The following TAF3 variants were observed in gnomAD, a reference collection of about 807,000 sequenced individuals.
TAF3 encodes the protein TATA-box binding protein associated factor 3, also known as transcription initiation factor TFIID subunit 3.
A neutral mutation model predicts 80.6 loss-of-function variants in TAF3; 7 were observed. The observed-to-expected ratio is 0.09, with a 90% CI of 0.05 to 0.16. The LOEUF (loss-of-function observed/expected upper bound fraction) is 0.16, where lower values mean the gene tolerates loss of function less well. Among genes scored for constraint, TAF3 ranks in the 10% least tolerant of loss-of-function variants. TAF3 has a pLI of 1.00. For missense variants in TAF3, 921 were observed against 1,140.2 expected (o/e 0.81, Z 2.77); for synonymous variants, 444 against 446.1 (o/e 1.00, Z 0.06).
intron 2 of TAF3, among the ~76,000 whole-genome samples, chr10:7,834,384 A>G (rs1836830517): frequency 6.6e-6 from 1 of 152,002 alleles, no homozygotes; most frequent in South Asian, 2.1e-4. Context: ...TCTAAGTGGT[A>G]TGAGATAAGG....
chr10:7,874,402 C>G (rs2131148626), intron 2 of TAF3, among the ~76,000 whole-genome samples: 1 of 152,224 alleles, frequency 6.6e-6, no homozygotes, highest in Admixed American at 6.5e-5. Flanking sequence ...TTATATATAT[C>G]TTACCCCTGG....
chr10:7,963,667 G>A (rs1445014949), intron 2 of TAF3, among the ~76,000 whole-genome samples: 1 of 152,120 alleles, frequency 6.6e-6, no homozygotes, highest in Non-Finnish European at 1.5e-5. Flanking sequence ...TGGGAGGTCG[G>A]GGGCTGGGGG....
chr10:7,988,773 C>CAAAAAAAAAAAAAAAA (rs1831805162), intron 4 of TAF3, among the ~76,000 whole-genome samples: 1 of 117,310 alleles, frequency 8.5e-6, no homozygotes, highest in African/African-American at 3.7e-5. Context: ...AAAAAAAAAT[C>CAAAAAAAAAAAAAAAA]AAGATTATCA....
chr10:7,818,926 C>T, intron 1 of TAF3, 51 bp downstream of exon 1: 2 of 1,352,296 alleles, frequency 1.5e-6, no homozygotes, highest in Non-Finnish European at 1.9e-6. Flanking sequence ...TCAAGGGTGA[C>T]ACCTTCGCTC....
chr10:7,891,678 C>T (rs1837458285), intron 2 of TAF3, among the ~76,000 whole-genome samples: 1 of 152,286 alleles, frequency 6.6e-6, no homozygotes, highest in East Asian at 1.9e-4. Context: ...CTAATTTAAG[C>T]ATCTGTTTAT....
chr10:7,824,925 T>C (rs1456698563), intron 2 of TAF3, among the ~76,000 whole-genome samples: 1 of 152,252 alleles, frequency 6.6e-6, no homozygotes, highest in African/African-American at 2.4e-5. Flanking sequence ...TCCTCGCTTA[T>C]TATTCAGGCC....
intron 2 of TAF3, among the ~76,000 whole-genome samples, chr10:7,886,115 G>A (rs555938682): frequency 3.3e-4 from 50 of 151,930 alleles, no homozygotes; most frequent in Middle Eastern, 3.4e-3. Context: ...GTAGAGATGT[G>A]GGGGGGTCTC....
chr10:7,956,691 A>T (rs2131407093), intron 2 of TAF3, among the ~76,000 whole-genome samples: 1 of 152,288 alleles, frequency 6.6e-6, no homozygotes, highest in African/African-American at 2.4e-5. Context: ...GTCATTCATG[A>T]TTTCACATCA....
At chr10:7,878,356 T>A (rs1837329135) in intron 2 of TAF3, among the ~76,000 whole-genome samples, 1 of 152,138 alleles carries the variant, frequency 6.6e-6, no homozygotes. Flanking sequence ...ACATCTCTCC[T>A]CCATTGAATT....
At chr10:7,839,077 C>T (rs142955695) in intron 2 of TAF3, among the ~76,000 whole-genome samples, 2 of 151,920 alleles carry the variant, frequency 1.3e-5, no homozygotes, top group East Asian at 1.9e-4. Context: ...GATCGGACTC[C>T]TGCCCACTTG....
intron 2 of TAF3, among the ~76,000 whole-genome samples, chr10:7,894,440 G>T (rs1837487528): frequency 6.6e-6 from 1 of 152,176 alleles, no homozygotes; most frequent in South Asian, 2.1e-4. Context: ...TGGTGGAGAG[G>T]TGGTATCCAT....
At chr10:7,962,748 G>C (rs1244635289) in intron 2 of TAF3, among the ~76,000 whole-genome samples, 1 of 152,198 alleles carries the variant, frequency 6.6e-6, no homozygotes, top group African/African-American at 2.4e-5. Flanking sequence ...TTGACCTGCT[G>C]TAGCACTTTA....
Position 7,964,668 on chromosome 10 carries a change from G to T in TAF3, c.1158G>T (p.Thr386=), listed in dbSNP as rs117733404. The change falls in exon 3 of 7, where the codon ACG becomes ACT. Residue 386 remains threonine (T), a synonymous_variant. Transcript: ENST00000344293. This position sits in a 1 kb window ranked among gnomAD's most constrained non-coding sequence, Gnocchi z 4.1. ...AAAAGGCTGTGGTAGCAGATAAAAC[G>T]ATTGAGGCCTCTATCGATGCTGTGA... is the stretch of plus-strand genomic sequence containing the variant. The part of the protein sequence containing the change: ...QPKKAVVADK[T]IEASIDAVIA... 6.8e-6 allele frequency: 11 copies of T among 1,614,202 alleles called. No homozygotes were observed. Among genetic ancestry groups the T allele is most frequent in the Non-Finnish European group, 9.3e-6 (11 of 1,180,038 alleles).
At chr10:7,886,548 G>C (rs1342819407) in intron 2 of TAF3, among the ~76,000 whole-genome samples, 1 of 152,236 alleles carries the variant, frequency 6.6e-6, no homozygotes, top group Non-Finnish European at 1.5e-5. Flanking sequence ...GTGGCTATAT[G>C]ACATTGTGAA....
chr10:7,849,553 GT>G (rs1435361095), intron 2 of TAF3, among the ~76,000 whole-genome samples: 1 of 152,156 alleles, frequency 6.6e-6, no homozygotes, highest in African/African-American at 2.4e-5. Flanking sequence ...GTGCATAATA[GT>G]TGTGGCTTGG....
At chr10:7,843,961 A>G (rs1383853321) in intron 2 of TAF3, among the ~76,000 whole-genome samples, 2 of 152,154 alleles carry the variant, frequency 1.3e-5, no homozygotes, top group Admixed American at 1.3e-4. Flanking sequence ...GCACTCTTTC[A>G]ATTTCTGTTA....
rs200118262 is a variant in TAF3 at position 7,824,456 on chromosome 10, G to A, written c.305G>A (p.Ser102Asn). Residue 102 changes from serine (S) to asparagine (N), a missense_variant, in exon 2 of 7, where the codon AGC (serine) becomes AAC (asparagine). Physicochemically the swap from Ser to Asn is conservative, Grantham distance 46 (BLOSUM62 1). Coordinates refer to ENST00000344293, the MANE Select transcript of TAF3 (RefSeq NM_031923.4). ...CACCAAATTCCGTCATTTCCTGTTAGCAAGAACAATGTACTTCAGTTTCCT... is the reference window on the plus strand; with the variant it reads ...CACCAAATTCCGTCATTTCCTGTTAACAAGAACAATGTACTTCAGTTTCCT... ...FPHQIPSFPVSKNNVLQFPQP... is the reference protein window; with the variant it reads ...FPHQIPSFPVNKNNVLQFPQP... 5 of 1,613,982 alleles carry A rather than the reference G, an allele frequency of 3.1e-6. No homozygotes were observed. The African/African-American group carries it at 5.3e-5, about 17-fold the overall frequency.
intron 2 of TAF3, among the ~76,000 whole-genome samples, chr10:7,911,399 G>C (rs769507648): frequency 1.3e-5 from 2 of 152,228 alleles, no homozygotes; most frequent in Non-Finnish European, 2.9e-5. Context: ...GTGAACACTT[G>C]CTTCTGAGTT....
chr10:7,827,578 G>A (rs753374707), intron 2 of TAF3, among the ~76,000 whole-genome samples: 3 of 151,994 alleles, frequency 2.0e-5, no homozygotes, highest in Non-Finnish European at 4.4e-5. Flanking sequence ...TCAGGAGATC[G>A]AGACCATCCT....
Sources: allele counts gnomAD v4.1 joint callset (sites outside exome capture counted in the v4.1 genomes callset), GRCh38; gene constraint gnomAD v4.1.1; non-coding constraint Gnocchi (gnomAD v3.1); transcripts MANE v1.5; gene names NCBI Gene and HGNC (gene_info 2026-07-23, HGNC 2026-07-21).